SLC36A1: variants seen among roughly 807,000 people sequenced by gnomAD.
The protein encoded by SLC36A1 is proton-coupled amino acid transporter 1.
A neutral mutation model predicts 47.5 loss-of-function variants in SLC36A1; 30 were observed. The observed-to-expected ratio is 0.63, with a 90% CI of 0.47 to 0.86. The LOEUF (loss-of-function observed/expected upper bound fraction) is 0.86, where lower values mean the gene tolerates loss of function less well. Among genes scored for constraint, SLC36A1 ranks in the 40% least tolerant of loss-of-function variants. SLC36A1 has a pLI of 0.00. For missense variants in SLC36A1, 517 were observed against 606.0 expected (o/e 0.85, Z 1.54); for synonymous variants, 255 against 249.7 (o/e 1.02, Z -0.20).
chr5:151,504,278 C>A, the SLC36A1 span: 1 of 149,208 alleles, frequency 6.7e-6, no homozygotes, highest in Non-Finnish European at 1.5e-5. Flanking sequence ...TTCCTTTTGA[C>A]TTCTGTCTCC....
chr5:151,447,406 T>C (rs899131391), upstream of SLC36A1, among the ~76,000 whole-genome samples: 3 of 152,228 alleles, frequency 2.0e-5, no homozygotes, highest in Non-Finnish European at 4.4e-5. Flanking sequence ...CTCTGCCCCA[T>C]GCCCAAGATC....
chr5:151,512,267 A>C, the SLC36A1 span: 2 of 1,614,106 alleles, frequency 1.2e-6, no homozygotes, highest in Non-Finnish European at 1.7e-6. The surrounding 1 kb of genome is among the most constrained non-coding windows in gnomAD (Gnocchi z 4.1). Flanking sequence ...GTCTCCAGCA[A>C]GCCTGCCACC....
the SLC36A1 span, among the ~76,000 whole-genome samples, chr5:151,415,073 ATCT>A: frequency 6.6e-6 from 1 of 151,968 alleles, no homozygotes; most frequent in East Asian, 1.9e-4. Context: ...ACCCAACCTC[ATCT>A]TCTTGGAGAG....
the SLC36A1 span, chr5:151,381,888 C>G: frequency 1.5e-5 from 4 of 265,706 alleles, no homozygotes; most frequent in East Asian, 3.7e-4. Flanking sequence ...GCAAAGCCAG[C>G]TTTGTGTGAA....
At chr5:151,346,161 A>G in the SLC36A1 span, among the ~76,000 whole-genome samples, 1 of 152,230 alleles carries the variant, frequency 6.6e-6, no homozygotes. Flanking sequence ...TCAGGACACA[A>G]GAGACAGGTG....
chr5:151,363,849 C>CTGTA, the SLC36A1 span, among the ~76,000 whole-genome samples: 1 of 152,166 alleles, frequency 6.6e-6, no homozygotes, highest in South Asian at 2.1e-4. Context: ...ATCACTTTTA[C>CTGTA]TGTAACATAC....
At chr5:151,441,022 AC>A (rs1752595296) in intron 1 of SLC36A1, among the ~76,000 whole-genome samples, 1 of 152,178 alleles carries the variant, frequency 6.6e-6, no homozygotes. Flanking sequence ...TGCCCCCACA[AC>A]CCAGGGTTTC....
At chr5:151,533,393 A>ACAC in the SLC36A1 span, among the ~76,000 whole-genome samples, 4 of 132,182 alleles carry the variant, frequency 3.0e-5, no homozygotes, top group South Asian at 2.7e-4. Context: ...TGTTATCTCC[A>ACAC]ACACACACAC....
chr5:151,537,459 G>A, the SLC36A1 span, among the ~76,000 whole-genome samples: 4 of 118,392 alleles, frequency 3.4e-5, no homozygotes, highest in South Asian at 3.0e-4. Flanking sequence ...GGAGGGGAGG[G>A]AAGGAAAGGA....
chr5:151,444,950 G>A (rs1752836455), upstream of SLC36A1, among the ~76,000 whole-genome samples: 1 of 151,512 alleles, frequency 6.6e-6, no homozygotes, highest in Non-Finnish European at 1.5e-5. Flanking sequence ...TTGCTTTTTT[G>A]GCTGATTGCT....
the SLC36A1 span, chr5:151,543,681 C>A: frequency 3.1e-6 from 5 of 1,614,052 alleles, no homozygotes; most frequent in Non-Finnish European, 4.2e-6. Context: ...AAAGGTGCTG[C>A]TGGAACTCTG....
chr5:151,540,627 A>G, the SLC36A1 span: 2 of 1,614,188 alleles, frequency 1.2e-6, no homozygotes, highest in Non-Finnish European at 1.7e-6. Context: ...CAGTGACCGA[A>G]GCCTGGAACT....
At chr5:151,381,511 C>G in the SLC36A1 span, among the ~76,000 whole-genome samples, 1 of 152,196 alleles carries the variant, frequency 6.6e-6, no homozygotes, top group Non-Finnish European at 1.5e-5. Flanking sequence ...AGACCTCCTT[C>G]TTATCTGGGG....
the SLC36A1 span, among the ~76,000 whole-genome samples, chr5:151,531,388 G>A: frequency 6.6e-6 from 1 of 152,170 alleles, no homozygotes; most frequent in African/African-American, 2.4e-5. This position sits in a 1 kb window ranked among gnomAD's most constrained non-coding sequence, Gnocchi z 5.7. Context: ...CCGTTTAAGG[G>A]AGGCTCCCAC....
the SLC36A1 span, among the ~76,000 whole-genome samples, chr5:151,351,982 C>T: frequency 6.6e-6 from 1 of 152,204 alleles, no homozygotes; most frequent in Non-Finnish European, 1.5e-5. Context: ...TCCCAACTCA[C>T]CTTGTTCATG....
chr5:151,441,105 A>T (rs1371192589), intron 1 of SLC36A1, among the ~76,000 whole-genome samples: 2 of 152,188 alleles, frequency 1.3e-5, no homozygotes, highest in Non-Finnish European at 2.9e-5. Context: ...TGGTCTAGGG[A>T]CCACACTTTG....
chr5:151,484,392 C>T (rs1759237722), intron 10 of SLC36A1, among the ~76,000 whole-genome samples: 1 of 152,192 alleles, frequency 6.6e-6, no homozygotes, highest in African/African-American at 2.4e-5. Context: ...GTTAGAAGCT[C>T]CCTTTTGGGC....
chr5:151,444,928 CCTTT>C (rs1196221157), upstream of SLC36A1, among the ~76,000 whole-genome samples: 1 of 151,932 alleles, frequency 6.6e-6, no homozygotes, highest in African/African-American at 2.4e-5. Context: ...GATTTGGATG[CCTTT>C]CTTTCTTTTG....
chr5:151,528,124 T>C, the SLC36A1 span: 1 of 1,613,968 alleles, frequency 6.2e-7, no homozygotes, highest in Non-Finnish European at 8.5e-7. Flanking sequence ...TCTTCATCAG[T>C]CGCTGATACC....
Sources: gnomAD v4.1 joint callset for allele counts (sites outside exome capture counted in the v4.1 genomes callset) on GRCh38, gnomAD v4.1.1 for gene constraint, Gnocchi (gnomAD v3.1) non-coding constraint, MANE v1.5 for transcripts, NCBI Gene and HGNC (gene_info 2026-07-23, HGNC 2026-07-21) for gene names.